LAMC2: variants seen among roughly 807,000 people sequenced by gnomAD.
The protein encoded by LAMC2 is laminin subunit gamma-2.
A neutral mutation model predicts 140.2 loss-of-function variants in LAMC2; 97 were observed. The observed-to-expected ratio is 0.69, with a 90% CI of 0.59 to 0.82. The LOEUF (loss-of-function observed/expected upper bound fraction) is 0.82, where lower values mean the gene tolerates loss of function less well. Among genes scored for constraint, LAMC2 ranks in the 40% least tolerant of loss-of-function variants. The pLI, the probability that LAMC2 is intolerant of heterozygous loss-of-function variation, is 0.00. For synonymous variants in LAMC2, 513 were observed against 540.2 expected, an observed-to-expected ratio of 0.95 and a Z score of 0.70; for missense variants, 1,402 against 1,476.1, an observed-to-expected ratio of 0.95 and a Z score of 0.82.
chr1:183,222,273 G>T (rs1432011977), intron 6 of LAMC2, 62 bp downstream of exon 6: 8 of 1,565,168 alleles, frequency 5.1e-6, no homozygotes, highest in Admixed American at 5.0e-5. Context: ...TCAAGATAGA[G>T]AAATTGAGTT....
At position 183,226,804 on chromosome 1, in the gene LAMC2, ATT is replaced by A; in HGVS notation, c.1174_1175del (p.Phe392LeufsTer25). The A allele has an allele frequency of 6.2e-7, 1 of 1,614,174 alleles. No individual in the cohort carries two copies. The highest frequency in any genetic ancestry group is 8.5e-7 in the Non-Finnish European group (1 of 1,180,024). On this transcript the variant is annotated frameshift_variant, in exon 9 of 23. Transcript: ENST00000264144. LOFTEE classifies it high-confidence loss of function. ...TATGTCCTGTTGGGTACAAGGGGCA[ATT>A]CTGCCAGGATTGTGCTTCTGGCTAC... is the stretch of plus-strand genomic sequence containing the variant. ...CICPVGYKGQ[F>X]CQDCASGYKR...
intron 4 of LAMC2, among the ~76,000 whole-genome samples, chr1:183,219,204 A>G (rs1209329606): frequency 1.3e-5 from 2 of 152,242 alleles, no homozygotes; most frequent in African/African-American, 2.4e-5. Context: ...TAAAAGTAAG[A>G]AAGCAGTTCT....
At chr1:183,221,115 T>C (rs983472040) in intron 5 of LAMC2, among the ~76,000 whole-genome samples, 154 bp downstream of exon 5, 3 of 152,224 alleles carry the variant, frequency 2.0e-5, no homozygotes, top group Admixed American at 2.0e-4. Context: ...CTCAGGCATA[T>C]CCTGATGTCT....
chr1:183,223,414 G>C, intron 7 of LAMC2, 90 bp downstream of exon 7: 1 of 1,294,306 alleles, frequency 7.7e-7, no homozygotes, highest in East Asian at 2.3e-5. Flanking sequence ...TCATTCATTT[G>C]TTCAACAAGC....
chr1:183,226,856 C>T lies in LAMC2; in HGVS notation c.1225C>T (p.Pro409Ser), dbSNP rs1396390370. Residue 409 changes from proline (P) to serine (S), a missense_variant, in exon 9 of 23, where the codon CCT becomes TCT. By Grantham distance (74) the Pro-to-Ser change is moderately conservative. Coordinates refer to ENST00000264144, the MANE Select transcript of LAMC2 (RefSeq NM_005562.3). ...GYKRDSARLG[P>S]FGTCIPCNCQ... ...CAAGAGAGATTCAGCGAGACTGGGG[C>T]CTTTTGGCACCTGTATTCCTTGTAA... 1 of 1,614,082 alleles carries T rather than the reference C, an allele frequency of 6.2e-7. No homozygotes were observed. The highest frequency in any genetic ancestry group is 1.1e-5 in the South Asian group (1 of 91,072).
chr1:183,211,200 G>A (rs911345689), intron 2 of LAMC2, among the ~76,000 whole-genome samples: 36 of 152,328 alleles, frequency 2.4e-4, no homozygotes, highest in Middle Eastern at 3.4e-3. Context: ...ACAGGGCTGA[G>A]TTACCTTCAG....
At chr1:183,215,716 G>GC (rs2102210471) in intron 3 of LAMC2, 128 bp downstream of exon 3, 2 of 1,107,714 alleles carry the variant, frequency 1.8e-6, no homozygotes, top group South Asian at 2.5e-5. Flanking sequence ...ACATCATTTG[G>GC]GCTATCTACT....
chr1:183,205,137 GAA>G (rs1370551975), intron 1 of LAMC2, among the ~76,000 whole-genome samples: 8 of 152,144 alleles, frequency 5.3e-5, no homozygotes, highest in African/African-American at 1.9e-4. Context: ...TTCTAAATAA[GAA>G]AGGCACAATG....
intron 1 of LAMC2, among the ~76,000 whole-genome samples, chr1:183,191,498 CTTT>C (rs58871555): frequency 2.9e-5 from 4 of 138,882 alleles, no homozygotes; most frequent in Non-Finnish European, 6.2e-5. Flanking sequence ...AACTTACTGA[CTTT>C]TTTTTTTTTT....
Position 183,228,743 on chromosome 1 carries a change from G to A in LAMC2, c.1714+124G>A. The A allele has an allele frequency of 7.5e-7, 1 of 1,327,004 alleles. No individual in the cohort carries two copies. Among genetic ancestry groups the A allele is most frequent in the Non-Finnish European group, 1.1e-6 (1 of 935,540 alleles). The allele number at this position is 1,327,004 out of a possible 1,614,324, so 82.2% of individuals were successfully genotyped here. A position where few individuals can be genotyped will look rare whatever the true frequency, so the allele number is the denominator to read the frequency against. On this transcript the variant is annotated intron_variant, in intron 11 of 22. Transcript: ENST00000264144. The surrounding 1 kb of genome is among the most constrained non-coding windows in gnomAD (Gnocchi z 4.3). ...GTTACTTTGATTCTCTGACCAAACTGGCCTGTGAGCACCCTGGGCCTTTCT... is the reference window on the plus strand; with the variant it reads ...GTTACTTTGATTCTCTGACCAAACTAGCCTGTGAGCACCCTGGGCCTTTCT...
intron 22 of LAMC2, 151 bp downstream of exon 22, chr1:183,240,542 C>T (rs770258941): frequency 8.3e-6 from 12 of 1,453,976 alleles, no homozygotes; most frequent in East Asian, 5.0e-5. Context: ...AGATAACTTT[C>T]GGCAGGTTCC....
intron 2 of LAMC2, among the ~76,000 whole-genome samples, chr1:183,213,021 C>T (rs1659119745): frequency 6.6e-6 from 1 of 152,250 alleles, no homozygotes. Context: ...ACATGCTGAT[C>T]TTGCCTTCTC....
At chr1:183,202,692 C>G (rs1028376766) in intron 1 of LAMC2, among the ~76,000 whole-genome samples, 7 of 152,202 alleles carry the variant, frequency 4.6e-5, no homozygotes, top group Non-Finnish European at 1.0e-4. Context: ...TACTACTTCC[C>G]AACTTCCTAT....
intron 14 of LAMC2, among the ~76,000 whole-genome samples, chr1:183,233,639 TC>T (rs2102241487): frequency 6.6e-6 from 1 of 152,270 alleles, no homozygotes; most frequent in Non-Finnish European, 1.5e-5. Context: ...TTCTCTATGA[TC>T]CCATTACTAT....
At chr1:183,187,789 CTT>C (rs1021445894) in intron 1 of LAMC2, among the ~76,000 whole-genome samples, 4 of 152,144 alleles carry the variant, frequency 2.6e-5, no homozygotes, top group Admixed American at 2.6e-4. Flanking sequence ...CTTGGAATCT[CTT>C]GATTTGAAAA....
At chr1:183,256,226 C>T in the LAMC2 span, among the ~76,000 whole-genome samples, 18,262 of 151,798 alleles carry the variant, frequency 0.12, 1,135 homozygotes, top group East Asian at 0.19. Context: ...GCCAACATAG[C>T]GAAACCCTGT....
At chr1:183,219,282 C>T (rs1359871729) in intron 4 of LAMC2, among the ~76,000 whole-genome samples, 1 of 152,222 alleles carries the variant, frequency 6.6e-6, no homozygotes, top group African/African-American at 2.4e-5. Context: ...CTTGTGTTTT[C>T]AGGGGTTTCT....
intron 1 of LAMC2, among the ~76,000 whole-genome samples, chr1:183,191,587 G>T (rs1285515409): frequency 6.6e-6 from 1 of 151,754 alleles, no homozygotes; most frequent in African/African-American, 2.4e-5. Context: ...GCTGGGTGCG[G>T]TGGCTCATGC....
rs144145001 is a variant in LAMC2 at position 183,213,671 on chromosome 1, A to G, written c.269-1782A>G. 2.6e-3 allele frequency among the ~76,000 whole-genome samples: 385 copies of G among 147,344 alleles called. 1 individual carries two copies. The highest frequency in any genetic ancestry group is 7.5e-3 in the African/African-American group (296 of 39,490). On this transcript the variant is annotated intron_variant, in intron 2 of 22. Coordinates refer to ENST00000264144, the MANE Select transcript of LAMC2 (RefSeq NM_005562.3). ...AAAAATTAGCCAGGTGTGGTGGCAC[A>G]TGCCTGTAGTCCCAGCTACTCAGGA...
Sources: gnomAD v4.1 joint callset for allele counts (sites outside exome capture counted in the v4.1 genomes callset) on GRCh38, gnomAD v4.1.1 for gene constraint, Gnocchi (gnomAD v3.1) non-coding constraint, MANE v1.5 for transcripts, NCBI Gene and HGNC (gene_info 2026-07-23, HGNC 2026-07-21) for gene names.